Variants in STIM2 observed in about 807,000 individuals in gnomAD.
STIM2 encodes the protein stromal interaction molecule 2.
Under a neutral mutation model 85.8 loss-of-function variants are expected in STIM2, and 31 were observed. That is an observed-to-expected ratio of 0.36 (90% CI 0.27 to 0.49). The LOEUF is 0.49. Ranked by LOEUF, STIM2 falls within the 20% of genes least tolerant of loss-of-function variation. The pLI is 0.98. For synonymous variants in STIM2, 356 were observed against 331.1 expected (o/e 1.08, Z -0.82); for missense variants, 841 against 927.6 (o/e 0.91, Z 1.21).
intron 10 of STIM2, among the ~76,000 whole-genome samples, chr4:27,016,154 G>T (rs1009167720): frequency 5.3e-5 from 8 of 151,580 alleles, no homozygotes; most frequent in Non-Finnish European, 1.2e-4. Flanking sequence ...AGTTATCTTT[G>T]ATTCTTCATC....
At chr4:27,006,814 C>A (rs987051174) in intron 7 of STIM2, among the ~76,000 whole-genome samples, 2 of 152,158 alleles carry the variant, frequency 1.3e-5, no homozygotes, top group Non-Finnish European at 2.9e-5. Flanking sequence ...AGTAGACTCT[C>A]AGAATCTGTT....
At chr4:26,907,997 C>A (rs550862428) in intron 1 of STIM2, among the ~76,000 whole-genome samples, 1 of 152,112 alleles carries the variant, frequency 6.6e-6, no homozygotes, top group Non-Finnish European at 1.5e-5. Context: ...ATTTTTGTTG[C>A]TGAGACCAAA....
At chr4:27,014,536 C>T (rs1404999451) in intron 10 of STIM2, among the ~76,000 whole-genome samples, 1 of 150,908 alleles carries the variant, frequency 6.6e-6, no homozygotes. Context: ...TCTACTTGTG[C>T]GTGATTAGAG....
chr4:26,964,547 A>T (rs1193090914), intron 3 of STIM2, among the ~76,000 whole-genome samples: 1 of 152,136 alleles, frequency 6.6e-6, no homozygotes, highest in African/African-American at 2.4e-5. Context: ...TTTTAAAGGA[A>T]GATTTGGGTT....
intron 3 of STIM2, among the ~76,000 whole-genome samples, chr4:26,986,018 G>A (rs116776789): frequency 0.012 from 1,764 of 152,298 alleles, 8 homozygotes; most frequent in African/African-American, 0.018. Flanking sequence ...TCCTCAGAAC[G>A]CAGGAGATGG....
intron 2 of STIM2, among the ~76,000 whole-genome samples, chr4:26,948,030 CA>C (rs1050381790): frequency 6.6e-6 from 1 of 152,054 alleles, no homozygotes; most frequent in African/African-American, 2.4e-5. Flanking sequence ...TTCTAATTTA[CA>C]AAAGCAAAAA....
chr4:27,009,139 G>A, intron 10 of STIM2, 137 bp downstream of exon 10: 1 of 662,136 alleles, frequency 1.5e-6, no homozygotes, highest in Non-Finnish European at 2.6e-6. Flanking sequence ...CTTTTTGTTA[G>A]TAATTTAAAT....
intron 2 of STIM2, among the ~76,000 whole-genome samples, chr4:26,943,966 T>C (rs1473794177): frequency 6.6e-6 from 1 of 152,140 alleles, no homozygotes; most frequent in African/African-American, 2.4e-5. Flanking sequence ...CTTTTTTTTG[T>C]TTATAGACAT....
At chr4:26,980,147 G>T (rs1727330936) in intron 3 of STIM2, among the ~76,000 whole-genome samples, 1 of 152,122 alleles carries the variant, frequency 6.6e-6, no homozygotes, top group South Asian at 2.1e-4. Context: ...TAGACTAAAG[G>T]CATGTATAAA....
intron 3 of STIM2, among the ~76,000 whole-genome samples, chr4:26,965,501 A>T (rs1160581310): frequency 6.6e-6 from 1 of 152,104 alleles, no homozygotes; most frequent in East Asian, 1.9e-4. Flanking sequence ...TATCCAAATG[A>T]GTTCAGAGCA....
chr4:26,912,466 C>A (rs1408519798), intron 1 of STIM2, among the ~76,000 whole-genome samples: 1 of 152,168 alleles, frequency 6.6e-6, no homozygotes, highest in Non-Finnish European at 1.5e-5. Context: ...GTATTCCCCA[C>A]ATATATCAAT....
intron 2 of STIM2, among the ~76,000 whole-genome samples, chr4:26,922,825 G>A (rs976558596): frequency 2.0e-5 from 3 of 152,136 alleles, no homozygotes; most frequent in African/African-American, 7.2e-5. Flanking sequence ...GTTGGTGGAT[G>A]GGGGCAATAG....
chr4:27,017,805 A>G lies in STIM2; in HGVS notation c.1584A>G (p.Arg528=), dbSNP rs1440368750. The G allele has an allele frequency of 6.2e-7, 1 of 1,613,948 alleles. No individual in the cohort carries two copies. Among genetic ancestry groups the G allele is most frequent in the Non-Finnish European group, 8.5e-7 (1 of 1,180,016 alleles). The change falls in exon 11 of 12, where the codon CGA becomes CGG. Residue 528 remains arginine (R), a synonymous_variant. Transcript: ENST00000467087. ...TGCCGTCCTCGCCTCAGCCTCAGCG[A>G]GCTCAGCTTGCTCCACACGCCCCCC...
chr4:26,861,155 T>A lies in STIM2; in HGVS notation c.-64T>A. 7.5e-7 allele frequency: 1 copy of A among 1,328,458 alleles called. No homozygotes were observed. The highest frequency in any genetic ancestry group is 2.0e-5 in the South Asian group (1 of 50,134). The allele number at this position is 1,328,458 out of a possible 1,614,324, so 82.3% of individuals were successfully genotyped here. On this transcript the variant is annotated 5_prime_UTR_variant, in exon 1 of 12. Coordinates refer to ENST00000467087, the MANE Select transcript of STIM2 (RefSeq NM_020860.4). ...TTCACCCGGCTTCTCCTCGGCGCCT[T>A]CATCCCGCCTCGACTCCTGGCCCAG... is the stretch of plus-strand genomic sequence containing the variant.
At chr4:27,020,907 G>C in intron 11 of STIM2, 1 of 1,165,664 alleles carries the variant, frequency 8.6e-7, no homozygotes, top group Non-Finnish European at 1.2e-6. Context: ...TCTGCCTTCA[G>C]CTCTGTTCCC....
chr4:26,912,755 G>T (rs115306328), intron 1 of STIM2, among the ~76,000 whole-genome samples: 2 of 152,148 alleles, frequency 1.3e-5, no homozygotes, highest in African/African-American at 4.8e-5. Flanking sequence ...TGCCTAGACT[G>T]TTGTGATAGG....
At chr4:26,989,027 T>C (rs1727676338) in intron 3 of STIM2, among the ~76,000 whole-genome samples, 1 of 152,158 alleles carries the variant, frequency 6.6e-6, no homozygotes, top group Non-Finnish European at 1.5e-5. Flanking sequence ...CTCTGTCTCC[T>C]GGGTTCAAGA....
intron 1 of STIM2, among the ~76,000 whole-genome samples, chr4:26,888,257 G>A (rs1371258033): frequency 1.3e-5 from 2 of 152,034 alleles, no homozygotes; most frequent in East Asian, 1.9e-4. Flanking sequence ...CCAAATGAAC[G>A]CAATAACAAA....
chr4:27,003,071 T>C lies in STIM2; in HGVS notation c.948T>C (p.Ser316=). The C allele has an allele frequency of 6.3e-7, 1 of 1,595,072 alleles. No individual in the cohort carries two copies. Among genetic ancestry groups the C allele is most frequent in the Non-Finnish European group, 8.5e-7 (1 of 1,173,166 alleles). ...GGGAGGGAGCTGAATGTGAATTGAG[T>C]AGACGTCAGTATGCAGAACAGGAAT... The change falls in exon 7 of 12, where the codon AGT becomes AGC. Residue 316 remains serine, a synonymous_variant. Coordinates refer to ENST00000467087, the MANE Select transcript of STIM2 (RefSeq NM_020860.4).
Sources: gnomAD v4.1 joint callset for allele counts (sites outside exome capture counted in the v4.1 genomes callset) on GRCh38, gnomAD v4.1.1 for gene constraint, MANE v1.5 for transcripts, NCBI Gene and HGNC (gene_info 2026-07-23, HGNC 2026-07-21) for gene names.